Variants in RBL1 observed in about 807,000 individuals in gnomAD.
RBL1 encodes RB transcriptional corepressor like 1, also known as retinoblastoma-like protein 1.
In RBL1, 82 loss-of-function variants were observed where a neutral mutation model predicts 123.0. That is an observed-to-expected ratio of 0.67 (90% CI 0.56 to 0.80). RBL1 has a LOEUF of 0.80. Among genes scored for constraint, RBL1 ranks in the 30% least tolerant of loss-of-function variants. The pLI is 0.00. For missense variants in RBL1, 1,171 were observed against 1,299.6 expected, an observed-to-expected ratio of 0.90 and a Z score of 1.52; for synonymous variants, 405 against 441.3, an observed-to-expected ratio of 0.92 and a Z score of 1.03.
At chr20:37,082,363 T>C (rs182648905) in intron 2 of RBL1, among the ~76,000 whole-genome samples, 2 of 152,286 alleles carry the variant, frequency 1.3e-5, no homozygotes, top group South Asian at 2.1e-4. Flanking sequence ...GTTCGGGAAA[T>C]GGTGGTGGTG....
At chr20:37,076,627 T>C (rs1405797559) in intron 2 of RBL1, among the ~76,000 whole-genome samples, 1 of 152,218 alleles carries the variant, frequency 6.6e-6, no homozygotes, top group Non-Finnish European at 1.5e-5. Flanking sequence ...AATTTTCCAT[T>C]TAATATTTTC....
intron 19 of RBL1, among the ~76,000 whole-genome samples, chr20:37,008,135 C>G (rs1454856621): frequency 1.3e-5 from 2 of 152,182 alleles, no homozygotes; most frequent in Non-Finnish European, 2.9e-5. Flanking sequence ...CTCACTGTCA[C>G]TAGTGGCTCT....
At chr20:37,048,288 C>T (rs1282397896) in intron 11 of RBL1, among the ~76,000 whole-genome samples, 4 of 152,168 alleles carry the variant, frequency 2.6e-5, no homozygotes, top group African/African-American at 9.7e-5. Context: ...CAGGTCCCCA[C>T]ACAACCCCCA....
chr20:37,013,732 C>G (rs2146214062), intron 19 of RBL1, among the ~76,000 whole-genome samples: 1 of 152,256 alleles, frequency 6.6e-6, no homozygotes, highest in Non-Finnish European at 1.5e-5. Context: ...GCCCTGAATT[C>G]TGATCCACGG....
intron 7 of RBL1, 144 bp from the exon 8 acceptor site, chr20:37,062,414 G>T (rs1389661058): frequency 3.7e-6 from 5 of 1,356,422 alleles, no homozygotes; most frequent in Non-Finnish European, 4.8e-6. Flanking sequence ...AATATCAGAG[G>T]GTCCTACCTG....
At chr20:37,025,223 C>T (rs573479291) in intron 16 of RBL1, among the ~76,000 whole-genome samples, 1 of 151,358 alleles carries the variant, frequency 6.6e-6, no homozygotes, top group African/African-American at 2.4e-5. Flanking sequence ...CTATATTTGC[C>T]CCTTTGAAAA....
intron 3 of RBL1, 119 bp from the exon 4 acceptor site, chr20:37,067,416 AAAG>A (rs1232952432): frequency 1.2e-6 from 1 of 802,002 alleles, no homozygotes; most frequent in Non-Finnish European, 1.9e-6. Context: ...TTCATGAAGA[AAAG>A]TAATCTATTA....
intron 2 of RBL1, among the ~76,000 whole-genome samples, chr20:37,079,495 C>G (rs1329124138): frequency 2.7e-5 from 3 of 109,850 alleles, no homozygotes; most frequent in African/African-American, 3.9e-5. Flanking sequence ...TGAGAAGGGT[C>G]TTGCTCTGTC....
chr20:37,003,788 A>T lies in RBL1; in HGVS notation c.2950T>A (p.Ser984Thr). ...TTCTTGTGCGGGGAAATATAAATGG[A>T]GTGCTGCTGGGAAATGCGGCGTGGT... The part of the protein sequence containing the change: ...GSPRRISQQH[S>T]IYISPHKNGS... Residue 984 changes from serine to threonine, a missense_variant, in exon 21 of 22, where the codon TCC (serine) becomes ACC (threonine). Transcript: ENST00000373664. 1 of 1,613,988 alleles carries T rather than the reference A, an allele frequency of 6.2e-7. No individual in the cohort carries two copies. The highest frequency in any genetic ancestry group is 1.3e-5 in the African/African-American group (1 of 75,024).
Position 37,035,452 on chromosome 20 carries a change from C to CT in RBL1, c.1959dup (p.Gly654ArgfsTer4). On this transcript the variant is annotated frameshift_variant, in exon 15 of 22. Coordinates refer to ENST00000373664, the MANE Select transcript of RBL1 (RefSeq NM_002895.5). LOFTEE classifies it high-confidence loss of function. Reference sequence around the variant, plus strand: ...CCAAAGAGTCTTCTCTTAGCACTCCCTGCGGTAGGAGAACTGTAGCGTTCA... The same window carrying CT: ...CCAAAGAGTCTTCTCTTAGCACTCCCTTGCGGTAGGAGAACTGTAGCGTTCA... 1 of 1,613,230 alleles carries CT rather than the reference C, an allele frequency of 6.2e-7. No individual in the cohort carries two copies. Among genetic ancestry groups the CT allele is most frequent in the Non-Finnish European group, 8.5e-7 (1 of 1,179,452 alleles).
chr20:37,088,281 A>G (rs1344934570), intron 2 of RBL1, among the ~76,000 whole-genome samples: 1 of 150,518 alleles, frequency 6.6e-6, no homozygotes, highest in African/African-American at 2.4e-5. Context: ...AAAAAAAAAA[A>G]GAGAGAGAGA....
In RBL1 at chr20:37,029,828, ACTT is replaced by A. The variant is rs1177040191; in HGVS notation, c.2382+2834_2382+2836del. Among the ~76,000 whole-genome samples, 12 of 152,360 alleles carry A rather than the reference ACTT, an allele frequency of 7.9e-5. No homozygotes were observed. The South Asian group carries it at 1.9e-3, about 24-fold the overall frequency. The stretch of plus-strand genomic sequence containing the variant: ...AAATGAAATTAAGACAATTCTACTT[ACTT>A]ATTACTTACAATAGCATCAAAAAGA... On this transcript the variant is annotated intron_variant, in intron 16 of 21. Transcript: ENST00000373664.
intron 2 of RBL1, among the ~76,000 whole-genome samples, chr20:37,079,753 G>A (rs895144549): frequency 5.3e-5 from 8 of 152,056 alleles, no homozygotes; most frequent in Non-Finnish European, 7.4e-5. Context: ...TTCCCAAAGC[G>A]TTGAGATTAC....
At chr20:37,018,480 T>C in intron 18 of RBL1, 111 bp from the exon 19 acceptor site, 1 of 1,383,878 alleles carries the variant, frequency 7.2e-7, no homozygotes, top group South Asian at 1.7e-5. Flanking sequence ...TTTGTCTGTA[T>C]AAGTGATACT....
At chr20:37,087,242 G>A (rs1470375393) in intron 2 of RBL1, among the ~76,000 whole-genome samples, 1 of 152,128 alleles carries the variant, frequency 6.6e-6, no homozygotes, top group Non-Finnish European at 1.5e-5. Flanking sequence ...GGCTGAGGCA[G>A]GAGAATCGCT....
chr20:37,057,027 A>G (rs1443419801), intron 9 of RBL1, among the ~76,000 whole-genome samples: 1 of 151,548 alleles, frequency 6.6e-6, no homozygotes, highest in Admixed American at 6.6e-5. Context: ...CTACCTACCT[A>G]CCTACCTACC....
chr20:37,023,624 A>G (rs1338044037), intron 16 of RBL1, among the ~76,000 whole-genome samples: 2 of 152,194 alleles, frequency 1.3e-5, no homozygotes, highest in Non-Finnish European at 2.9e-5. Flanking sequence ...GAATGTTAAA[A>G]TAAGTAAGAT....
At chr20:37,062,965 G>A (rs1009351098) in intron 7 of RBL1, among the ~76,000 whole-genome samples, 12 of 152,222 alleles carry the variant, frequency 7.9e-5, no homozygotes, top group African/African-American at 2.9e-4. Context: ...CTGGGCGACA[G>A]AGCGAGACTC....
intron 13 of RBL1, 70 bp downstream of exon 13, chr20:37,044,016 A>C (rs960419013): frequency 1.1e-4 from 135 of 1,201,016 alleles, no homozygotes; most frequent in African/African-American, 1.4e-4. Flanking sequence ...TATAGGAATT[A>C]TCTCTCAATA....
Sources: allele counts gnomAD v4.1 joint callset (sites outside exome capture counted in the v4.1 genomes callset), GRCh38; gene constraint gnomAD v4.1.1; transcripts MANE v1.5; gene names NCBI Gene and HGNC (gene_info 2026-07-23, HGNC 2026-07-21).